PLA2G4D: variants seen among roughly 807,000 people sequenced by gnomAD.
The protein encoded by PLA2G4D is cytosolic phospholipase A2 delta.
Under a neutral mutation model 94.4 loss-of-function variants are expected in PLA2G4D, and 80 were observed. The ratio of observed to expected loss-of-function variants is 0.85; its 90% CI spans 0.71 to 1.02. The LOEUF (loss-of-function observed/expected upper bound fraction) is 1.02, where lower values mean the gene tolerates loss of function less well. PLA2G4D is among the 50% of genes least tolerant of loss of function. PLA2G4D has a pLI of 0.00. For synonymous variants in PLA2G4D, 438 were observed against 440.9 expected, an observed-to-expected ratio of 0.99 and a Z score of 0.08; for missense variants, 1,050 against 1,034.7, an observed-to-expected ratio of 1.01 and a Z score of -0.20.
At position 42,092,393 on chromosome 15, in the gene PLA2G4D, A is replaced by G. The variant is rs183579580; in HGVS notation, c.45+2022T>C. 1.5e-3 allele frequency among the ~76,000 whole-genome samples: 226 copies of G among 152,296 alleles called. 1 individual carries two copies. The highest frequency in any genetic ancestry group is 5.2e-3 in the African/African-American group (217 of 41,558). ...CAACTCTTCCCTCATTGCCCCACGGATATCTAGGATATCTAGACACTAGAT... is the reference window on the plus strand; with the variant it reads ...CAACTCTTCCCTCATTGCCCCACGGGTATCTAGGATATCTAGACACTAGAT... On this transcript the variant is annotated intron_variant, in intron 1 of 19. Coordinates refer to ENST00000290472, the MANE Select transcript of PLA2G4D (RefSeq NM_178034.4).
In PLA2G4D at chr15:42,086,194, T is replaced by TGGGGG; in HGVS notation, c.387+18_387+19insCCCCC. Reference sequence around the variant, plus strand: ...GGAAGAAGTGGGGCCCACGGGGACTTCCCCACCCACCCACCCACCTGGGGA... The same window carrying TGGGGG: ...GGAAGAAGTGGGGCCCACGGGGACTTGGGGGCCCCACCCACCCACCCACCTGGGGA... On this transcript the variant is annotated intron_variant, in intron 4 of 19. Transcript: ENST00000290472. 65 of 1,370,264 alleles carry TGGGGG rather than the reference T, an allele frequency of 4.7e-5. No homozygotes were observed. The highest frequency in any genetic ancestry group is 5.6e-5 in the Non-Finnish European group (58 of 1,042,926). 84.9% of individuals were successfully genotyped at this position (1,370,264 alleles called of 1,614,324 possible).
rs1246965852 is a variant in PLA2G4D at position 42,070,030 on chromosome 15, G to T, written c.2109C>A (p.Ser703Arg). The T allele has an allele frequency of 4.0e-6, 6 of 1,518,790 alleles. No homozygotes were observed. The African/African-American group carries it at 7.1e-5, about 18-fold the overall frequency. 94.1% of individuals were successfully genotyped at this position (1,518,790 alleles called of 1,614,324 possible). The change falls in exon 19 of 20, where the codon AGC becomes AGA. Residue 703 changes from serine to arginine, a missense_variant. Physicochemically the swap from Ser to Arg is moderately radical, Grantham distance 110. Transcript: ENST00000290472. ...CCCTTGGCTGGTGCTGGTCCTGAGG[G>T]CTGGGTTCCACCCGGGGGAAGGGCA... ...RGLPFPRVEP[S>R]PQDQHQPREC...
In PLA2G4D at chr15:42,084,886, C is replaced by T. The variant is rs1177314661; in HGVS notation, c.471+210G>A. Among the ~76,000 whole-genome samples, 2 of 152,170 alleles carry T rather than the reference C, an allele frequency of 1.3e-5. No homozygotes were observed. Among genetic ancestry groups the T allele is most frequent in the Non-Finnish European group, 2.9e-5 (2 of 68,016 alleles). On this transcript the variant is annotated intron_variant, in intron 6 of 19. Transcript: ENST00000290472. The surrounding 1 kb of genome is among the most constrained non-coding windows in gnomAD (Gnocchi z 4.8). ...GGCCAGAACCTCCTCTCAGCAGAGC[C>T]CTGCCTCCCCTCTCTCTATGCGCCC...
intron 5 of PLA2G4D, 65 bp downstream of exon 5, chr15:42,085,426 G>C (rs1229207387): frequency 1.9e-6 from 3 of 1,564,796 alleles, no homozygotes; most frequent in African/African-American, 1.4e-5. Context: ...GGGAGATCTG[G>C]GTCAGGGCCA....
Position 42,083,702 on chromosome 15 carries a change from T to TA in PLA2G4D, c.535+13dup. Reference sequence around the variant, plus strand: ...TCCAGGCAGAGTCCAGGCCTGGTTCTAAGCTGGTCTCACCTGCAACCACAG... The same window carrying TA: ...TCCAGGCAGAGTCCAGGCCTGGTTCTAAAGCTGGTCTCACCTGCAACCACAG... On this transcript the variant is annotated intron_variant, in intron 7 of 19. Transcript: ENST00000290472. 6.2e-7 allele frequency: 1 copy of TA among 1,613,922 alleles called. No individual in the cohort carries two copies. Among genetic ancestry groups the TA allele is most frequent in the Non-Finnish European group, 8.5e-7 (1 of 1,179,930 alleles).
chr15:42,083,651 T>A (rs1392388942), intron 7 of PLA2G4D, 65 bp downstream of exon 7: 55 of 1,587,482 alleles, frequency 3.5e-5, no homozygotes, highest in Admixed American at 5.0e-5. Context: ...TGCGCAGGCT[T>A]CCCAGCAATC....
At chr15:42,072,141 C>T in intron 14 of PLA2G4D, 134 bp downstream of exon 14, 1 of 976,530 alleles carries the variant, frequency 1.0e-6, no homozygotes, top group Non-Finnish European at 1.6e-6. Context: ...ATGCCCTGAG[C>T]CCCTCAGCAC....
At chr15:42,071,389 G>A (rs1889813314) in intron 16 of PLA2G4D, 55 bp downstream of exon 16, 2 of 1,571,034 alleles carry the variant, frequency 1.3e-6, no homozygotes, top group Non-Finnish European at 1.7e-6. Context: ...CACACCGCAA[G>A]CATTCTAAAG....
chr15:42,084,456 T>G lies in PLA2G4D; in HGVS notation c.471+640A>C, dbSNP rs1237554264. On this transcript the variant is annotated intron_variant, in intron 6 of 19. Transcript: ENST00000290472. The surrounding 1 kb of genome is among the most constrained non-coding windows in gnomAD (Gnocchi z 4.8). ...ATCAAACAGCCCCTAGGAGCTTAAATGCTGGGCTCTAGGTGCCTTCGCCCG... is the reference window on the plus strand; with the variant it reads ...ATCAAACAGCCCCTAGGAGCTTAAAGGCTGGGCTCTAGGTGCCTTCGCCCG... Among the ~76,000 whole-genome samples, 1 of 152,200 alleles carries G rather than the reference T, an allele frequency of 6.6e-6. No individual in the cohort carries two copies. The highest frequency in any genetic ancestry group is 1.5e-5 in the Non-Finnish European group (1 of 68,024).
intron 12 of PLA2G4D, 24 bp from the exon 13 acceptor site, chr15:42,079,783 A>T (rs1188001959): frequency 2.5e-6 from 4 of 1,588,890 alleles, no homozygotes; most frequent in African/African-American, 2.7e-5. Flanking sequence ...GGGACAGAAC[A>T]GTAGGAGCCC....
intron 1 of PLA2G4D, 107 bp downstream of exon 1, chr15:42,094,308 T>A: frequency 1.5e-6 from 2 of 1,318,160 alleles, no homozygotes; most frequent in Non-Finnish European, 2.1e-6. Context: ...CCTCGCCCTC[T>A]GGCCCAGTCT....
At position 42,068,959 on chromosome 15, in the gene PLA2G4D, G is replaced by A. The variant is rs549863107; in HGVS notation, c.2231-18C>T. On this transcript the variant is annotated intron_variant, in intron 19 of 19. Transcript: ENST00000290472. ...CTGGACACCTGCCCAGGGGTAGGAG[G>A]GGTGTCAGGAGCAGGACGCCGGGGC... The A allele has an allele frequency of 1.1e-5, 18 of 1,599,706 alleles. No homozygotes were observed. In the South Asian group the frequency reaches 2.0e-4, roughly 18 times the overall value.
At chr15:42,085,255 G>T in intron 5 of PLA2G4D, 117 bp from the exon 6 acceptor site, 1 of 1,243,860 alleles carries the variant, frequency 8.0e-7, no homozygotes, top group Non-Finnish European at 1.2e-6. Context: ...TTCGGTTCAG[G>T]GACAAGGGGA....
chr15:42,071,958 C>A (rs747415940), intron 14 of PLA2G4D, 47 bp from the exon 15 acceptor site: 3 of 1,596,740 alleles, frequency 1.9e-6, no homozygotes, highest in Admixed American at 3.4e-5. Context: ...GAGTGGATTG[C>A]GGGAGTCCCC....
chr15:42,070,542 A>T, intron 18 of PLA2G4D, 175 bp downstream of exon 18: 1 of 788,936 alleles, frequency 1.3e-6, no homozygotes, highest in Non-Finnish European at 2.0e-6. Context: ...AGGCCCCTGC[A>T]CCACCCCAGC....
intron 6 of PLA2G4D, 81 bp downstream of exon 6, chr15:42,085,015 G>A (rs1890112874): frequency 1.3e-6 from 2 of 1,506,528 alleles, no homozygotes; most frequent in Admixed American, 3.4e-5. Context: ...TGTCCCTGCT[G>A]GTCCACACCC....
chr15:42,086,194 T>TGGGGGGGGGGGGGGGCGC lies in PLA2G4D; in HGVS notation c.387+18_387+19insGCGCCCCCCCCCCCCCCC. ...GGAAGAAGTGGGGCCCACGGGGACT[T>TGGGGGGGGGGGGGGGCGC]CCCCACCCACCCACCCACCTGGGGA... On this transcript the variant is annotated intron_variant, in intron 4 of 19. Transcript: ENST00000290472. The TGGGGGGGGGGGGGGGCGC allele has an allele frequency of 1.5e-6, 2 of 1,370,444 alleles. No individual in the cohort carries two copies. The highest frequency in any genetic ancestry group is 1.9e-6 in the Non-Finnish European group (2 of 1,043,084). The allele number at this position is 1,370,444 out of a possible 1,614,324, so 84.9% of individuals were successfully genotyped here. A position where few individuals can be genotyped will look rare whatever the true frequency, so the allele number is the denominator to read the frequency against.
chr15:42,081,921 T>TTAA, intron 9 of PLA2G4D, 87 bp from the exon 10 acceptor site: 3 of 1,260,636 alleles, frequency 2.4e-6, no homozygotes, highest in Non-Finnish European at 3.3e-6. Context: ...CCCCTTCATC[T>TTAA]TCATTCTTTT....
In PLA2G4D at chr15:42,071,157, G is replaced by C. The variant is rs1278718990; in HGVS notation, c.1842C>G (p.Asp614Glu). The change falls in exon 17 of 20, where the codon GAC (aspartate) becomes GAG (glutamate). Residue 614 changes from aspartate to glutamate, a missense_variant. Transcript: ENST00000290472. ...NFLQGLQLHQ[D>E]YCSHKDFSTW... is the part of the protein sequence containing the mutation. ...TGGAGAAGTCTTTGTGGCTACAGTA[G>C]TCCTGGTGCAGCTGGAGGCCCTGGA... 1 of 1,612,888 alleles carries C rather than the reference G, an allele frequency of 6.2e-7. No homozygotes were observed. The highest frequency in any genetic ancestry group is 1.7e-5 in the Admixed American group (1 of 59,666).
Sources: allele counts gnomAD v4.1 joint callset (sites outside exome capture counted in the v4.1 genomes callset), GRCh38; gene constraint gnomAD v4.1.1; non-coding constraint Gnocchi (gnomAD v3.1); transcripts MANE v1.5; gene names NCBI Gene and HGNC (gene_info 2026-07-23, HGNC 2026-07-21).